ANKS1B: variants seen among roughly 807,000 people sequenced by gnomAD.
The protein encoded by ANKS1B is ankyrin repeat and sterile alpha motif domain-containing protein 1B.
ANKS1B carries 36 observed loss-of-function variants against 148.3 expected under a neutral mutation model. The observed-to-expected ratio is 0.24, with a 90% CI of 0.19 to 0.32. The LOEUF is 0.32. Ranked by LOEUF, ANKS1B falls within the 10% of genes least tolerant of loss-of-function variation. The pLI is 1.00. For synonymous variants in ANKS1B, 542 were observed against 560.8 expected, an observed-to-expected ratio of 0.97 and a Z score of 0.47; for missense variants, 1,157 against 1,542.6, an observed-to-expected ratio of 0.75 and a Z score of 4.19.
rs1452833486 is a variant in ANKS1B, at chr12:99,143,399, T to TG, written c.2526+10889dup. On this transcript the variant is annotated intron_variant, in intron 15 of 26. Transcript: ENST00000683438. ...TCTCAAATGAATGGATAGTTCTCAA[T>TG]GCCTGCGATGCGCTTGATTCACACA... 3.3e-5 allele frequency among the ~76,000 whole-genome samples: 5 copies of TG among 152,248 alleles called. No homozygotes were observed. The East Asian group carries it at 9.7e-4, about 29-fold the overall frequency.
chr12:98,816,353 T>C (rs1241166416), intron 19 of ANKS1B, among the ~76,000 whole-genome samples: 1 of 152,192 alleles, frequency 6.6e-6, no homozygotes, highest in Admixed American at 6.5e-5. Context: ...GGGAGTGCAA[T>C]GGCACGATCT....
At chr12:99,065,965 A>C (rs2044174560) in intron 16 of ANKS1B, among the ~76,000 whole-genome samples, 2 of 152,070 alleles carry the variant, frequency 1.3e-5, no homozygotes, top group South Asian at 2.1e-4. Context: ...GTGCAGTATT[A>C]AATAGCGTGG....
At chr12:99,026,687 T>C (rs2099948950) in intron 17 of ANKS1B, among the ~76,000 whole-genome samples, 1 of 152,210 alleles carries the variant, frequency 6.6e-6, no homozygotes, top group African/African-American at 2.4e-5. Context: ...TACTCTGCCA[T>C]GTTACCTGAA....
intron 9 of ANKS1B, among the ~76,000 whole-genome samples, chr12:99,523,550 T>TC (rs1216325494): frequency 2.9e-5 from 4 of 139,588 alleles, no homozygotes; most frequent in African/African-American, 1.1e-4. Flanking sequence ...CAAGGCATCT[T>TC]CTTTTTTTTT....
At chr12:99,405,634 T>C (rs1180397333) in intron 11 of ANKS1B, among the ~76,000 whole-genome samples, 1 of 142,196 alleles carries the variant, frequency 7.0e-6, no homozygotes, top group African/African-American at 2.7e-5. Flanking sequence ...AAGGAGGAGA[T>C]CACACAAAAA....
At chr12:99,741,942 T>C (rs1183428805) in intron 8 of ANKS1B, among the ~76,000 whole-genome samples, 1 of 152,052 alleles carries the variant, frequency 6.6e-6, no homozygotes, top group East Asian at 1.9e-4. Context: ...TAAGATCATG[T>C]CCTTTGCAGG....
At chr12:99,050,681 T>C (rs560125709) in intron 17 of ANKS1B, among the ~76,000 whole-genome samples, 2 of 120,674 alleles carry the variant, frequency 1.7e-5, no homozygotes, top group Admixed American at 1.1e-4. Context: ...GTTTTCTTTT[T>C]TTCTTTTTCT....
rs547611811 is a variant in ANKS1B at position 98,984,982 on chromosome 12, A to G, written c.2778+68175T>C. On this transcript the variant is annotated intron_variant, in intron 17 of 26. Transcript: ENST00000683438. ...ACTATGATTGTGCCACTGTACTTCA[A>G]CCTGGGTGACAAAGTGAGACTGTCT... Among the ~76,000 whole-genome samples the G allele has an allele frequency of 9.9e-4, 151 of 152,324 alleles. 1 individual carries two copies. Among genetic ancestry groups the G allele is most frequent in the African/African-American group, 3.5e-3 (144 of 41,574 alleles).
chr12:99,630,889 T>C (rs1466751470), intron 9 of ANKS1B, among the ~76,000 whole-genome samples: 2 of 152,302 alleles, frequency 1.3e-5, no homozygotes, highest in South Asian at 2.1e-4. Flanking sequence ...TTGTAGTTCC[T>C]ACAATTCCCA....
chr12:98,950,239 G>A (rs957335476), intron 17 of ANKS1B, among the ~76,000 whole-genome samples: 3 of 152,188 alleles, frequency 2.0e-5, no homozygotes, highest in South Asian at 2.1e-4. Context: ...GCTCATGCCT[G>A]TAATCCCAGC....
At chr12:99,692,560 A>G (rs1435883466) in intron 8 of ANKS1B, among the ~76,000 whole-genome samples, 1 of 151,376 alleles carries the variant, frequency 6.6e-6, no homozygotes, top group Non-Finnish European at 1.5e-5. Context: ...GGTCCCAGCT[A>G]CTCTGGAGGC....
intron 17 of ANKS1B, among the ~76,000 whole-genome samples, chr12:98,996,250 GTCA>G (rs1187345490): frequency 6.6e-6 from 1 of 152,182 alleles, no homozygotes; most frequent in Non-Finnish European, 1.5e-5. Flanking sequence ...ACGAATTACT[GTCA>G]TCATCGTGAA....
intron 9 of ANKS1B, among the ~76,000 whole-genome samples, chr12:99,586,711 T>C (rs981292658): frequency 3.3e-5 from 5 of 152,138 alleles, no homozygotes; most frequent in Non-Finnish European, 5.9e-5. Context: ...TGACTCACAG[T>C]TCCACATGGC....
chr12:99,080,233 T>G (rs1043644980), intron 16 of ANKS1B, among the ~76,000 whole-genome samples: 2 of 152,210 alleles, frequency 1.3e-5, no homozygotes, highest in African/African-American at 4.8e-5. Context: ...GTTTGGTTGA[T>G]AACAATAATT....
intron 12 of ANKS1B, among the ~76,000 whole-genome samples, chr12:99,258,237 A>G (rs114835369): frequency 0.014 from 2,124 of 152,248 alleles, 55 homozygotes; most frequent in African/African-American, 0.048. Context: ...GTATGATGTA[A>G]TATATAATCA....
At chr12:99,117,805 C>T (rs573464826) in intron 15 of ANKS1B, among the ~76,000 whole-genome samples, 18 of 152,110 alleles carry the variant, frequency 1.2e-4, no homozygotes, top group Non-Finnish European at 2.1e-4. Context: ...TGGTAGAATT[C>T]GGCTGTGAAT....
intron 1 of ANKS1B, among the ~76,000 whole-genome samples, chr12:99,849,953 T>C (rs1224254012): frequency 6.6e-6 from 1 of 152,130 alleles, no homozygotes; most frequent in Non-Finnish European, 1.5e-5. Flanking sequence ...TACATACCTC[T>C]CTGTGGGTTT....
intron 9 of ANKS1B, among the ~76,000 whole-genome samples, chr12:99,611,807 G>A (rs754237120): frequency 4.0e-4 from 61 of 152,142 alleles, no homozygotes; most frequent in Non-Finnish European, 7.2e-4. Context: ...GGAGCTATGC[G>A]TCATACCTAA....
intron 12 of ANKS1B, among the ~76,000 whole-genome samples, chr12:99,345,474 C>A (rs10745850): frequency 1.3e-5 from 2 of 151,908 alleles, no homozygotes; most frequent in East Asian, 3.9e-4. Context: ...TTGTTAAATA[C>A]AGATAAAGAG....
Sources: gnomAD v4.1 joint callset for allele counts (sites outside exome capture counted in the v4.1 genomes callset) on GRCh38, gnomAD v4.1.1 for gene constraint, MANE v1.5 for transcripts, NCBI Gene and HGNC (gene_info 2026-07-23, HGNC 2026-07-21) for gene names.